The following CNTN5 variants were observed in gnomAD, a reference collection of about 807,000 sequenced individuals.
CNTN5 encodes contactin 5, also known as contactin-5.
A neutral mutation model predicts 129.1 loss-of-function variants in CNTN5; 77 were observed. The observed-to-expected ratio is 0.60, with a 90% confidence interval of 0.50 to 0.72. The LOEUF is 0.72. CNTN5 is among the 30% of genes least tolerant of loss of function. The pLI is 0.00. For missense variants in CNTN5, 1,478 were observed against 1,328.8 expected (o/e 1.11, Z -1.75); for synonymous variants, 509 against 465.6 (o/e 1.09, Z -1.20).
At chr11:99,143,993 T>C (rs1358708124) in intron 1 of CNTN5, among the ~76,000 whole-genome samples, 1 of 152,194 alleles carries the variant, frequency 6.6e-6, no homozygotes, top group Non-Finnish European at 1.5e-5. Flanking sequence ...TTCTTATTCT[T>C]ATTTTTTCCC....
At chr11:99,262,918 GATA>G (rs1207972223) in intron 1 of CNTN5, among the ~76,000 whole-genome samples, 2 of 151,976 alleles carry the variant, frequency 1.3e-5, no homozygotes, top group Non-Finnish European at 2.9e-5. Context: ...TAAGGTGAAA[GATA>G]ATAAGAAAGG....
chr11:99,777,876 C>G (rs1945179406), intron 3 of CNTN5, among the ~76,000 whole-genome samples: 1 of 151,762 alleles, frequency 6.6e-6, no homozygotes, highest in Non-Finnish European at 1.5e-5. Flanking sequence ...AGTTGTTATA[C>G]AGATTATATA....
chr11:100,113,365 A>G (rs938404195), intron 13 of CNTN5, among the ~76,000 whole-genome samples: 4 of 139,730 alleles, frequency 2.9e-5, no homozygotes, highest in Non-Finnish European at 6.2e-5. Flanking sequence ...TGAATCTTCA[A>G]GGTCACAAAT....
At chr11:99,242,574 G>T (rs1861615827) in intron 1 of CNTN5, among the ~76,000 whole-genome samples, 1 of 151,958 alleles carries the variant, frequency 6.6e-6, no homozygotes, top group Admixed American at 6.6e-5. Context: ...AGATACAAAA[G>T]ATTCTGTCAC....
chr11:100,199,835 G>T (rs1948732801), intron 15 of CNTN5, among the ~76,000 whole-genome samples: 1 of 151,780 alleles, frequency 6.6e-6, no homozygotes, highest in African/African-American at 2.4e-5. Context: ...AAAAGCAAGG[G>T]CTAATAAGTA....
At chr11:100,352,071 A>C (rs901773577) in intron 24 of CNTN5, among the ~76,000 whole-genome samples, 2 of 151,672 alleles carry the variant, frequency 1.3e-5, no homozygotes, top group Non-Finnish European at 3.0e-5. Flanking sequence ...AGGTAAACTT[A>C]AACTTGTGTC....
intron 2 of CNTN5, among the ~76,000 whole-genome samples, chr11:99,393,472 A>G (rs544424444): frequency 6.6e-6 from 1 of 151,876 alleles, no homozygotes; most frequent in East Asian, 1.9e-4. Flanking sequence ...TAGTGTTGTC[A>G]CCTCTTTTTC....
At chr11:100,291,014 T>C (rs1174106561) in intron 18 of CNTN5, among the ~76,000 whole-genome samples, 3 of 149,358 alleles carry the variant, frequency 2.0e-5, no homozygotes, top group African/African-American at 4.9e-5. Context: ...AAAATGCTCA[T>C]CATCACTGGC....
chr11:99,452,466 G>A (rs1475366348), intron 2 of CNTN5, among the ~76,000 whole-genome samples: 2 of 138,972 alleles, frequency 1.4e-5, no homozygotes, highest in Non-Finnish European at 3.0e-5. Flanking sequence ...TCTGCCTCCC[G>A]AGTTCACGCC....
chr11:99,754,414 T>A (rs1944344197), intron 3 of CNTN5, among the ~76,000 whole-genome samples: 1 of 152,230 alleles, frequency 6.6e-6, no homozygotes, highest in African/African-American at 2.4e-5. Context: ...TCTGAACATT[T>A]ATAATGTTGA....
chr11:100,084,890 G>T (rs927600653), intron 13 of CNTN5, among the ~76,000 whole-genome samples: 1 of 151,928 alleles, frequency 6.6e-6, no homozygotes, highest in African/African-American at 2.4e-5. Context: ...CCCTCTGAAG[G>T]TTCAGTAACT....
intron 21 of CNTN5, among the ~76,000 whole-genome samples, chr11:100,338,537 G>T (rs1952084688): frequency 6.6e-6 from 1 of 152,242 alleles, no homozygotes; most frequent in Non-Finnish European, 1.5e-5. Context: ...GAAAAAAAAA[G>T]AATTACTCTC....
intron 13 of CNTN5, among the ~76,000 whole-genome samples, chr11:100,076,865 G>T (rs1944151768): frequency 6.6e-6 from 1 of 151,884 alleles, no homozygotes; most frequent in Admixed American, 6.6e-5. Context: ...TGAATGACTT[G>T]TTACCATATC....
intron 9 of CNTN5, among the ~76,000 whole-genome samples, chr11:100,045,072 C>A (rs771308895): frequency 5.9e-5 from 9 of 151,978 alleles, no homozygotes; most frequent in Non-Finnish European, 1.3e-4. Context: ...AATCTCACAT[C>A]GTGTATCTAC....
intron 2 of CNTN5, among the ~76,000 whole-genome samples, chr11:99,338,074 A>G (rs1024052344): frequency 3.3e-5 from 5 of 152,174 alleles, no homozygotes; most frequent in Non-Finnish European, 5.9e-5. Context: ...TTTTCTATAT[A>G]TGTCTTTTGG....
intron 2 of CNTN5, among the ~76,000 whole-genome samples, chr11:99,519,633 T>C (rs1419870504): frequency 6.6e-6 from 1 of 152,118 alleles, no homozygotes; most frequent in African/African-American, 2.4e-5. Context: ...ACTTTTATCA[T>C]ATATTAAAAC....
intron 10 of CNTN5, among the ~76,000 whole-genome samples, chr11:100,063,019 C>G (rs544739120): frequency 1.3e-4 from 20 of 152,238 alleles, no homozygotes; most frequent in African/African-American, 4.8e-4. Context: ...CGGAACTTTA[C>G]TACTGAAAAT....
chr11:99,189,645 A>T (rs1277524661), intron 1 of CNTN5, among the ~76,000 whole-genome samples: 1 of 151,600 alleles, frequency 6.6e-6, no homozygotes, highest in African/African-American at 2.4e-5. Context: ...CATTTCTATG[A>T]TGATTAGTTA....
intron 1 of CNTN5, among the ~76,000 whole-genome samples, chr11:99,219,059 A>T (rs902825052): frequency 6.6e-6 from 1 of 151,970 alleles, no homozygotes; most frequent in Non-Finnish European, 1.5e-5. Flanking sequence ...GCCTTTGTTA[A>T]TTTACCATTC....
Sources: allele counts gnomAD v4.1 joint callset (sites outside exome capture counted in the v4.1 genomes callset), GRCh38; gene constraint gnomAD v4.1.1; transcripts MANE v1.5; gene names NCBI Gene and HGNC (gene_info 2026-07-23, HGNC 2026-07-21).